STAG1: variants seen among roughly 807,000 people sequenced by gnomAD.
The protein encoded by STAG1 is cohesin subunit SA-1.
STAG1 carries 26 observed loss-of-function variants against 170.9 expected under a neutral mutation model. That is an observed-to-expected ratio of 0.15 (90% CI 0.11 to 0.21). STAG1 has a LOEUF of 0.21. Ranked by LOEUF, STAG1 falls within the 10% of genes least tolerant of loss-of-function variation. The pLI is 1.00. For synonymous variants in STAG1, 514 were observed against 497.7 expected (o/e 1.03, Z -0.44); for missense variants, 964 against 1,509.5 (o/e 0.64, Z 5.99).
rs1382508748 is a variant in STAG1, at chr3:136,664,617, G to C, written c.-83-33636C>G. Among the ~76,000 whole-genome samples the C allele has an allele frequency of 2.6e-5, 4 of 152,046 alleles. No individual in the cohort carries two copies. In the East Asian group the frequency reaches 7.7e-4, roughly 29 times the overall value. ...CCTCCATGAAAAGTTTAGAACCACA[G>C]ATATACTATACATTTGTGTATTGTA... On this transcript the variant is annotated intron_variant, in intron 1 of 33. Coordinates refer to ENST00000383202, the MANE Select transcript of STAG1 (RefSeq NM_005862.3).
At chr3:136,591,284 C>CGGGAAGGT (rs1218033174) in intron 4 of STAG1, among the ~76,000 whole-genome samples, 6 of 91,470 alleles carry the variant, frequency 6.6e-5, no homozygotes, top group Admixed American at 1.3e-4. Context: ...GGAGGGAAGG[C>CGGGAAGGT]GGGAAGGTGG....
chr3:136,394,503 C>A (rs973984471), intron 22 of STAG1, among the ~76,000 whole-genome samples: 1 of 152,116 alleles, frequency 6.6e-6, no homozygotes, highest in South Asian at 2.1e-4. Flanking sequence ...TAAAGAAAAT[C>A]AGTGGGTCAC....
At chr3:136,343,394 A>G (rs1936080706) in intron 30 of STAG1, among the ~76,000 whole-genome samples, 1 of 152,256 alleles carries the variant, frequency 6.6e-6, no homozygotes, top group Admixed American at 6.5e-5. Flanking sequence ...ATCCATGAGA[A>G]GTTTGAGTTT....
chr3:136,472,766 T>C (rs1290590856), intron 11 of STAG1, among the ~76,000 whole-genome samples: 2 of 152,186 alleles, frequency 1.3e-5, no homozygotes, highest in Non-Finnish European at 2.9e-5. Context: ...TAACAAGCTG[T>C]AAAGAAAATT....
chr3:136,449,134 G>A (rs570965765), intron 14 of STAG1, among the ~76,000 whole-genome samples: 1 of 149,144 alleles, frequency 6.7e-6, no homozygotes, highest in Admixed American at 6.6e-5. Context: ...AAAAAGATAA[G>A]AGGAGAGATT....
At chr3:136,423,556 T>C (rs1282804996) in intron 16 of STAG1, among the ~76,000 whole-genome samples, 5 of 152,244 alleles carry the variant, frequency 3.3e-5, no homozygotes, top group African/African-American at 4.8e-5. Flanking sequence ...AAAAAGAGTA[T>C]AGTTTGTGCT....
At chr3:136,463,768 T>TAC (rs1553725814) in intron 13 of STAG1, among the ~76,000 whole-genome samples, 2 of 38,590 alleles carry the variant, frequency 5.2e-5, no homozygotes, top group African/African-American at 3.3e-4. Context: ...TGTGTGTGTG[T>TAC]ATACACACAC....
Position 136,471,059 on chromosome 3 carries a change from G to C in STAG1, c.1205+1354C>G, listed in dbSNP as rs569012618. ...GTTAGTGAGTGCAGCACACCAACAC[G>C]GCACATGTATACATATGTAACAAAG... On this transcript the variant is annotated intron_variant, in intron 12 of 33. Coordinates refer to ENST00000383202, the MANE Select transcript of STAG1 (RefSeq NM_005862.3). 3.3e-5 allele frequency among the ~76,000 whole-genome samples: 5 copies of C among 151,242 alleles called. No individual in the cohort carries two copies. The East Asian group carries it at 9.7e-4, about 29-fold the overall frequency.
chr3:136,569,255 G>A (rs943244517), intron 4 of STAG1, among the ~76,000 whole-genome samples: 1 of 151,786 alleles, frequency 6.6e-6, no homozygotes, highest in Non-Finnish European at 1.5e-5. Context: ...TAAAAAGAAT[G>A]CAAATAATAA....
intron 8 of STAG1, 149 bp from the exon 9 acceptor site, chr3:136,500,445 A>G: frequency 1.8e-6 from 1 of 560,400 alleles, no homozygotes; most frequent in South Asian, 2.2e-5. Context: ...AAATACCAGT[A>G]TATTTCCATT....
At chr3:136,533,460 T>C (rs1935474977) in intron 6 of STAG1, among the ~76,000 whole-genome samples, 2 of 152,180 alleles carry the variant, frequency 1.3e-5, no homozygotes, top group South Asian at 2.1e-4. Flanking sequence ...GCTCAGGTTC[T>C]GGAAGCTGTA....
In STAG1 at chr3:136,469,314, A is replaced by C. The variant is rs550944679; in HGVS notation, c.1205+3099T>G. On this transcript the variant is annotated intron_variant, in intron 12 of 33. Transcript: ENST00000383202. ...CAGGATACAAAATCAATGTACAAAA[A>C]TCACAAGCATTCTTATACACCAGTA... 5.9e-5 allele frequency among the ~76,000 whole-genome samples: 9 copies of C among 152,322 alleles called. No homozygotes were observed. The South Asian group carries it at 1.4e-3, about 25-fold the overall frequency.
chr3:136,453,678 C>T (rs1328095392), intron 13 of STAG1, among the ~76,000 whole-genome samples: 2 of 150,662 alleles, frequency 1.3e-5, no homozygotes, highest in Non-Finnish European at 1.5e-5. Context: ...ACGACAAAAT[C>T]CCTGTTCTCA....
At chr3:136,498,344 A>AT (rs1328152035) in intron 9 of STAG1, among the ~76,000 whole-genome samples, 4 of 149,208 alleles carry the variant, frequency 2.7e-5, no homozygotes, top group East Asian at 4.0e-4. Context: ...GCATTCAATG[A>AT]TAAAAAAAAC....
chr3:136,622,135 TAAAAAAAA>T (rs75542452), intron 3 of STAG1, among the ~76,000 whole-genome samples: 1 of 92,816 alleles, frequency 1.1e-5, no homozygotes, highest in Non-Finnish European at 2.0e-5. Context: ...CCATCTCTAC[TAAAAAAAA>T]AAAAAAAAAA....
At chr3:136,528,030 T>C (rs1001030103) in intron 6 of STAG1, among the ~76,000 whole-genome samples, 1 of 152,062 alleles carries the variant, frequency 6.6e-6, no homozygotes, top group Non-Finnish European at 1.5e-5. Context: ...TACTTGGGGG[T>C]CAGGGACCCA....
chr3:136,666,872 T>C (rs1424154264), intron 1 of STAG1, among the ~76,000 whole-genome samples: 1 of 149,604 alleles, frequency 6.7e-6, no homozygotes, highest in Non-Finnish European at 1.5e-5. Context: ...CCAAGTAGTG[T>C]GGCTTGTGCT....
At position 136,533,682 on chromosome 3, in the gene STAG1, C is replaced by G. The variant is rs189535989; in HGVS notation, c.471+8437G>C. 6.0e-4 allele frequency among the ~76,000 whole-genome samples: 92 copies of G among 152,284 alleles called. 1 individual carries two copies. The Middle Eastern group carries it at 0.017, about 28-fold the overall frequency. ...TGCAAGGAGGATACCAAGCCACTCA[C>G]GAGGTATCTGTCCCCATGACCCAAA... On this transcript the variant is annotated intron_variant, in intron 6 of 33. Transcript: ENST00000383202.
At chr3:136,528,957 A>C (rs566408762) in intron 6 of STAG1, among the ~76,000 whole-genome samples, 19 of 151,954 alleles carry the variant, frequency 1.3e-4, no homozygotes, top group Non-Finnish European at 1.8e-4. Context: ...ACAAAACAAA[A>C]AAAAACAGAA....
Sources: allele counts gnomAD v4.1 joint callset (sites outside exome capture counted in the v4.1 genomes callset), GRCh38; gene constraint gnomAD v4.1.1; transcripts MANE v1.5; gene names NCBI Gene and HGNC (gene_info 2026-07-23, HGNC 2026-07-21).